Variants in CATSPERB observed in about 807,000 individuals in gnomAD.
CATSPERB encodes the protein catsper channel auxiliary subunit beta.
CATSPERB carries 93 observed loss-of-function variants against 128.3 expected under a neutral mutation model. That is an observed-to-expected ratio of 0.72 (90% CI 0.61 to 0.86). CATSPERB has a LOEUF of 0.86. Ranked by LOEUF, CATSPERB falls within the 40% of genes least tolerant of loss-of-function variation. The pLI is 0.00. For synonymous variants in CATSPERB, 381 were observed against 448.8 expected (o/e 0.85, Z 1.91); for missense variants, 1,153 against 1,329.5 (o/e 0.87, Z 2.06).
chr14:91,599,822 T>C (rs1234246766), intron 22 of CATSPERB, among the ~76,000 whole-genome samples: 1 of 152,184 alleles, frequency 6.6e-6, no homozygotes, highest in Non-Finnish European at 1.5e-5. Context: ...TTACATTCTT[T>C]TGAGTTTCTG....
chr14:91,601,028 G>C (rs1445267946), intron 22 of CATSPERB, among the ~76,000 whole-genome samples: 1 of 152,210 alleles, frequency 6.6e-6, no homozygotes, highest in Non-Finnish European at 1.5e-5. Flanking sequence ...AAGGAGTTGA[G>C]AGAATACAAC....
chr14:91,702,698 A>ACACACAC, intron 7 of CATSPERB, among the ~76,000 whole-genome samples: 1 of 151,698 alleles, frequency 6.6e-6, no homozygotes, highest in South Asian at 2.1e-4. Context: ...ACACACACAC[A>ACACACAC]CACACACAAA....
At chr14:91,624,097 C>T (rs1894105128) in intron 18 of CATSPERB, among the ~76,000 whole-genome samples, 1 of 152,160 alleles carries the variant, frequency 6.6e-6, no homozygotes, top group African/African-American at 2.4e-5. Flanking sequence ...CCTATAATCC[C>T]AGCACTTTGG....
intron 24 of CATSPERB, among the ~76,000 whole-genome samples, chr14:91,589,102 T>C (rs1208091497): frequency 6.6e-6 from 1 of 152,210 alleles, no homozygotes; most frequent in East Asian, 1.9e-4. Flanking sequence ...TTTCAATTAT[T>C]TTACCATAAA....
chr14:91,669,056 C>T (rs563803464), intron 14 of CATSPERB, among the ~76,000 whole-genome samples: 2 of 152,286 alleles, frequency 1.3e-5, no homozygotes, highest in South Asian at 4.1e-4. Context: ...ATTACCCCGT[C>T]TCGGACAGTT....
At chr14:91,712,657 T>C (rs1166618510) in intron 5 of CATSPERB, among the ~76,000 whole-genome samples, 1 of 152,232 alleles carries the variant, frequency 6.6e-6, no homozygotes, top group African/African-American at 2.4e-5. Context: ...TATAATAATT[T>C]GTAAGTATTC....
At chr14:91,601,268 A>C (rs1194088302) in intron 22 of CATSPERB, among the ~76,000 whole-genome samples, 1 of 152,248 alleles carries the variant, frequency 6.6e-6, no homozygotes, top group Non-Finnish European at 1.5e-5. Flanking sequence ...TTTCCTGAGA[A>C]AGTTATGTTG....
intron 20 of CATSPERB, among the ~76,000 whole-genome samples, chr14:91,614,970 T>A (rs1335883740): frequency 2.0e-5 from 3 of 152,178 alleles, no homozygotes; most frequent in African/African-American, 7.2e-5. Flanking sequence ...GTGAGAACAT[T>A]TAGAATTTAC....
intron 21 of CATSPERB, among the ~76,000 whole-genome samples, chr14:91,609,012 T>G (rs1169262567): frequency 6.6e-6 from 1 of 152,224 alleles, no homozygotes. Flanking sequence ...GTATGTAATA[T>G]GTATTATATG....
Position 91,610,534 on chromosome 14 carries a change from C to T in CATSPERB, c.2544G>A (p.Trp848Ter). The part of the protein sequence containing the change: ...IPSKFIPFED[W>*]ISGVHKDSQG... ...GACTGTCTTTATGAACTCCACTAAT[C>T]CAGTCTTCAAATGGGATAAATTTGC... The change falls in exon 21 of 27, where the codon TGG becomes TGA. Residue 848 changes from tryptophan (W) to a stop codon, truncating the protein, a stop_gained. Coordinates refer to ENST00000256343, the MANE Select transcript of CATSPERB (RefSeq NM_024764.4). LOFTEE classifies it high-confidence loss of function. 6.2e-7 allele frequency: 1 copy of T among 1,613,986 alleles called. No homozygotes were observed. The highest frequency in any genetic ancestry group is 8.5e-7 in the Non-Finnish European group (1 of 1,180,010).
intron 7 of CATSPERB, among the ~76,000 whole-genome samples, chr14:91,702,212 A>G (rs2139852963): frequency 6.6e-6 from 1 of 152,012 alleles, no homozygotes; most frequent in African/African-American, 2.4e-5. Flanking sequence ...GTGTTTGGAT[A>G]AAGACGAGGA....
intron 5 of CATSPERB, among the ~76,000 whole-genome samples, chr14:91,715,609 T>G (rs891092095): frequency 1.1e-4 from 16 of 149,362 alleles, no homozygotes; most frequent in Non-Finnish European, 2.1e-4. Flanking sequence ...GATCTATAGA[T>G]TCAATGCAAT....
intron 22 of CATSPERB, among the ~76,000 whole-genome samples, chr14:91,602,383 T>C (rs1458610724): frequency 2.0e-5 from 3 of 152,192 alleles, no homozygotes; most frequent in Non-Finnish European, 4.4e-5. Context: ...ATATCAACTT[T>C]CAAATTCTAG....
chr14:91,629,765 T>C (rs1368704436), intron 17 of CATSPERB, among the ~76,000 whole-genome samples: 1 of 152,204 alleles, frequency 6.6e-6, no homozygotes, highest in Non-Finnish European at 1.5e-5. Context: ...ACCTTAATTA[T>C]GAAAGCTGTC....
At chr14:91,685,826 G>A (rs1398330814) in intron 10 of CATSPERB, among the ~76,000 whole-genome samples, 1 of 152,212 alleles carries the variant, frequency 6.6e-6, no homozygotes, top group African/African-American at 2.4e-5. Context: ...GATGGCTGCA[G>A]TAGGGGCAGG....
intron 14 of CATSPERB, among the ~76,000 whole-genome samples, chr14:91,663,734 T>C (rs969275169): frequency 6.6e-6 from 1 of 152,092 alleles, no homozygotes; most frequent in Admixed American, 6.6e-5. Context: ...TACAAGAGTG[T>C]TTTGTGATCT....
At chr14:91,636,647 TCA>T in intron 16 of CATSPERB, 68 bp from the exon 17 acceptor site, 5 of 1,352,500 alleles carry the variant, frequency 3.7e-6, no homozygotes, top group Non-Finnish European at 5.0e-6. Flanking sequence ...AAAATTGAAG[TCA>T]CAGATTTATT....
At chr14:91,719,386 G>C in intron 5 of CATSPERB, 32 bp downstream of exon 5, 1 of 1,457,912 alleles carries the variant, frequency 6.9e-7, no homozygotes, top group Non-Finnish European at 9.4e-7. Flanking sequence ...TCCAGACCCA[G>C]GGGTAAAAGA....
At chr14:91,603,908 C>T (rs191443964) in intron 22 of CATSPERB, among the ~76,000 whole-genome samples, 8 of 152,034 alleles carry the variant, frequency 5.3e-5, no homozygotes, top group Admixed American at 3.3e-4. Flanking sequence ...TTGGTGGGGA[C>T]ACAGATCCAA....
Sources: gnomAD v4.1 joint callset for allele counts (sites outside exome capture counted in the v4.1 genomes callset) on GRCh38, gnomAD v4.1.1 for gene constraint, MANE v1.5 for transcripts, NCBI Gene and HGNC (gene_info 2026-07-23, HGNC 2026-07-21) for gene names.